The following SLK variants were observed in gnomAD, a reference collection of about 807,000 sequenced individuals.
SLK encodes the protein STE20 like kinase.
In SLK, 67 loss-of-function variants were observed where a neutral mutation model predicts 147.7. The ratio of observed to expected loss-of-function variants is 0.45; its 90% CI spans 0.37 to 0.56. The LOEUF is 0.56. SLK is among the 20% of genes least tolerant of loss of function. SLK has a pLI of 0.00. For synonymous variants in SLK, 441 were observed against 475.0 expected (o/e 0.93, Z 0.93); for missense variants, 1,136 against 1,438.8 (o/e 0.79, Z 3.41).
intron 18 of SLK, 53 bp from the exon 19 acceptor site, chr10:104,025,521 A>G: frequency 6.4e-7 from 1 of 1,553,374 alleles, no homozygotes. Flanking sequence ...GTCAGCATAA[A>G]TTCTATATAT....
intron 4 of SLK, among the ~76,000 whole-genome samples, chr10:103,997,532 AT>A (rs1166115539): frequency 6.6e-6 from 1 of 151,348 alleles, no homozygotes; most frequent in East Asian, 1.9e-4. Context: ...ACCATTTTAC[AT>A]TTCTAACGGA....
intron 4 of SLK, among the ~76,000 whole-genome samples, chr10:103,997,431 T>C (rs1041502578): frequency 1.3e-5 from 2 of 152,184 alleles, no homozygotes; most frequent in Non-Finnish European, 2.9e-5. Flanking sequence ...TTCTTTTGAG[T>C]ATGCACCCAG....
At chr10:103,997,273 A>C (rs1844187792) in intron 4 of SLK, among the ~76,000 whole-genome samples, 1 of 152,226 alleles carries the variant, frequency 6.6e-6, no homozygotes, top group Non-Finnish European at 1.5e-5. Flanking sequence ...TTTAAGATTG[A>C]ATAATATGCC....
At chr10:103,970,903 T>C (rs1259254933) in intron 1 of SLK, among the ~76,000 whole-genome samples, 1 of 152,220 alleles carries the variant, frequency 6.6e-6, no homozygotes, top group Non-Finnish European at 1.5e-5. Context: ...TATACTTAGT[T>C]ATTGAACATC....
At chr10:103,985,765 A>G (rs932017322) in intron 1 of SLK, among the ~76,000 whole-genome samples, 10 of 152,214 alleles carry the variant, frequency 6.6e-5, no homozygotes, top group African/African-American at 2.2e-4. Context: ...ATGTAAAAAT[A>G]TAGAAAGAAA....
chr10:104,001,593 T>C, intron 8 of SLK, 21 bp downstream of exon 8: 1 of 1,613,038 alleles, frequency 6.2e-7, no homozygotes, highest in Non-Finnish European at 8.5e-7. Context: ...AGGAAAGAAA[T>C]TTCATTTAGT....
chr10:104,010,802 C>A lies in SLK; in HGVS notation c.2785-14C>A. ...GTATCATTTCCCCACCTCCTGCATGCTTATACACTGTAGGTTATAAATGAA... is the reference window on the plus strand; with the variant it reads ...GTATCATTTCCCCACCTCCTGCATGATTATACACTGTAGGTTATAAATGAA... On this transcript the variant is annotated splice_polypyrimidine_tract_variant and intron_variant, in intron 12 of 18. Transcript: ENST00000369755. 6.6e-7 allele frequency: 1 copy of A among 1,526,542 alleles called. No homozygotes were observed. 94.6% of individuals were successfully genotyped at this position (1,526,542 alleles called of 1,614,324 possible). A position where few individuals can be genotyped will look rare whatever the true frequency, so the allele number is the denominator to read the frequency against.
intron 1 of SLK, among the ~76,000 whole-genome samples, chr10:103,989,342 G>T (rs990126851): frequency 2.9e-4 from 44 of 152,110 alleles, no homozygotes; most frequent in Non-Finnish European, 4.7e-4. Context: ...CTGTTAGACT[G>T]GTGAAACCCA....
chr10:103,969,837 CT>C (rs1843769892), intron 1 of SLK, among the ~76,000 whole-genome samples: 1 of 152,188 alleles, frequency 6.6e-6, no homozygotes. Flanking sequence ...AGTTTAGATT[CT>C]TTCACCCATT....
chr10:103,992,141 GT>G (rs56381345), intron 2 of SLK, among the ~76,000 whole-genome samples: 25,866 of 91,580 alleles, frequency 0.28, 3,219 homozygotes, highest in Middle Eastern at 0.35. Context: ...TATTTCTTCT[GT>G]TTTTTTTTTT....
intron 13 of SLK, among the ~76,000 whole-genome samples, chr10:104,012,739 C>G (rs1350182180): frequency 6.6e-6 from 1 of 152,186 alleles, no homozygotes; most frequent in East Asian, 1.9e-4. Flanking sequence ...GCAACTTAAA[C>G]TCTCGTCAGC....
chr10:104,001,042 G>A (rs1364032469), intron 7 of SLK, among the ~76,000 whole-genome samples: 1 of 113,210 alleles, frequency 8.8e-6, no homozygotes, highest in Admixed American at 1.2e-4. Context: ...CTGAGTGATA[G>A]AGTGAGACTC....
chr10:104,002,839 C>T lies in SLK; in HGVS notation c.1661C>T (p.Ala554Val). ...NTSDVIGTCE[A>V]ADVAQKVDED... Reference sequence around the variant, plus strand: ...AGTGATGTGATAGGAACATGTGAGGCAGCAGATGTGGCTCAGAAAGTGGAT... The same window carrying T: ...AGTGATGTGATAGGAACATGTGAGGTAGCAGATGTGGCTCAGAAAGTGGAT... The change falls in exon 9 of 19, where the codon GCA (alanine) becomes GTA (valine). Residue 554 changes from alanine to valine, a missense_variant. Transcript: ENST00000369755. 6.2e-7 allele frequency: 1 copy of T among 1,614,018 alleles called. No homozygotes were observed. Among genetic ancestry groups the T allele is most frequent in the Non-Finnish European group, 8.5e-7 (1 of 1,179,940 alleles).
chr10:104,003,587 A>T, intron 9 of SLK, 60 bp downstream of exon 9: 1 of 1,362,912 alleles, frequency 7.3e-7, no homozygotes, highest in Non-Finnish European at 9.9e-7. Flanking sequence ...TTCAGAGTTT[A>T]TGTGAAATTG....
intron 1 of SLK, chr10:103,974,846 T>TTTTTTTTTTTG (rs1843846053): frequency 8.2e-6 from 1 of 121,508 alleles, no homozygotes; most frequent in East Asian, 2.4e-4. Context: ...TTTTTTTTTT[T>TTTTTTTTTTTG]TTTTAGTAGA....
chr10:104,003,277 C>T lies in SLK; in HGVS notation c.2099C>T (p.Ser700Leu). ...AAAGAGCCTGAAGTTACTGTAGTTT[C>T]ACAGCCCACTGAACCTCAGCCTGTT... ...IKKEPEVTVV[S>L]QPTEPQPVLI... Residue 700 changes from serine to leucine, a missense_variant, in exon 9 of 19, where the codon TCA becomes TTA. Physicochemically the swap from Ser to Leu is moderately radical, Grantham distance 145 (BLOSUM62 -2). Coordinates refer to ENST00000369755, the MANE Select transcript of SLK (RefSeq NM_014720.4). 3.1e-6 allele frequency: 5 copies of T among 1,613,968 alleles called. No homozygotes were observed. The highest frequency in any genetic ancestry group is 4.2e-6 in the Non-Finnish European group (5 of 1,179,944).
chr10:104,026,453 T>G lies in SLK; in HGVS notation c.*733T>G, dbSNP rs1305618645. ...ATGGTTGTTTTGGAATTTTTGCTTC[T>G]CTTACCGTTTGATAGAAATTTTCAT... On this transcript the variant is annotated 3_prime_UTR_variant, in exon 19 of 19. Coordinates refer to ENST00000369755, the MANE Select transcript of SLK (RefSeq NM_014720.4). The G allele has an allele frequency of 1.3e-5, 2 of 152,568 alleles. No homozygotes were observed. Among genetic ancestry groups the G allele is most frequent in the Non-Finnish European group, 2.9e-5 (2 of 68,024 alleles). The allele number at this position is 152,568 out of a possible 1,614,324, so 9.5% of individuals were successfully genotyped here.
rs1452943519 is a variant in SLK at position 103,994,442 on chromosome 10, T to G, written c.514+1309T>G. On this transcript the variant is annotated intron_variant, in intron 4 of 18. Transcript: ENST00000369755. ...CATCTCTAGATGTTAGGGTTTAAAC[T>G]TGCTCATATAAAACTTGGGTTTTTA... Among the ~76,000 whole-genome samples, 3 of 152,336 alleles carry G rather than the reference T, an allele frequency of 2.0e-5. No individual in the cohort carries two copies. In the East Asian group the frequency reaches 5.8e-4, roughly 29 times the overall value.
intron 1 of SLK, among the ~76,000 whole-genome samples, chr10:103,987,046 GTTATA>G (rs1844027530): frequency 6.6e-6 from 1 of 152,102 alleles, no homozygotes; most frequent in Non-Finnish European, 1.5e-5. Context: ...TTATGTCCCA[GTTATA>G]TTAGTGTAGA....
Sources: allele counts gnomAD v4.1 joint callset (sites outside exome capture counted in the v4.1 genomes callset), GRCh38; gene constraint gnomAD v4.1.1; transcripts MANE v1.5; gene names NCBI Gene and HGNC (gene_info 2026-07-23, HGNC 2026-07-21).